ATG13: variants seen among roughly 807,000 people sequenced by gnomAD.
ATG13 encodes the protein autophagy-related protein 13.
ATG13 carries 23 observed loss-of-function variants against 65.5 expected under a neutral mutation model. The observed-to-expected ratio is 0.35, with a 90% CI of 0.25 to 0.50. The LOEUF is 0.50. Ranked by LOEUF, ATG13 falls within the 20% of genes least tolerant of loss-of-function variation. ATG13 has a pLI of 0.98. For synonymous variants in ATG13, 252 were observed against 245.2 expected, an observed-to-expected ratio of 1.03 and a Z score of -0.26; for missense variants, 566 against 677.0, an observed-to-expected ratio of 0.84 and a Z score of 1.82.
intron 2 of ATG13, among the ~76,000 whole-genome samples, chr11:46,634,074 C>G (rs921391832): frequency 6.6e-6 from 1 of 151,940 alleles, no homozygotes; most frequent in Admixed American, 6.6e-5. Flanking sequence ...AACCTATTTT[C>G]TCAGCTGAGT....
chr11:46,629,634 T>A (rs1256323253), intron 1 of ATG13, among the ~76,000 whole-genome samples: 2 of 152,074 alleles, frequency 1.3e-5, no homozygotes, highest in Non-Finnish European at 2.9e-5. Context: ...TGACCTCAGA[T>A]GATCCACCCG....
rs953835564 is a variant in ATG13, at chr11:46,663,945, C to CTT, written c.790-35_790-34dup. 4,477 of 761,506 alleles carry CTT rather than the reference C, an allele frequency of 5.9e-3. 13 individuals carry two copies. The highest frequency in any genetic ancestry group is 0.023 in the African/African-American group (1,111 of 48,612). 47.2% of individuals were successfully genotyped at this position (761,506 alleles called of 1,614,324 possible). A position where few individuals can be genotyped will look rare whatever the true frequency, so the allele number is the denominator to read the frequency against. On this transcript the variant is annotated intron_variant, in intron 11 of 18. Coordinates refer to ENST00000683050, the MANE Select transcript of ATG13 (RefSeq NM_001346311.2). ...TTCACTTCTTTCTCAAGTCCCTTTT[C>CTT]TTTTTTTTTTTTTTTTTTGTTTCTC...
Position 46,641,868 on chromosome 11 carries a change from G to T in ATG13, c.-13-2411G>T, listed in dbSNP as rs374265754. On this transcript the variant is annotated intron_variant, in intron 2 of 18. Coordinates refer to ENST00000683050, the MANE Select transcript of ATG13 (RefSeq NM_001346311.2). ...TGGCTCACTGCAGCCTTGACCTCCA[G>T]GGCTCAGGCCATTCTCCCACCTCAT... Among the ~76,000 whole-genome samples, 523 of 151,514 alleles carry T rather than the reference G, an allele frequency of 3.5e-3. 3 individuals carry two copies. Among genetic ancestry groups the T allele is most frequent in the African/African-American group, 0.012 (509 of 41,284 alleles).
At chr11:46,646,321 G>A (rs897399702) in intron 5 of ATG13, among the ~76,000 whole-genome samples, 7 of 151,908 alleles carry the variant, frequency 4.6e-5, no homozygotes, top group Admixed American at 1.3e-4. Flanking sequence ...GCTAATTTTT[G>A]TATTTTTAGT....
Position 46,665,445 on chromosome 11 carries a change from C to G in ATG13, c.1062C>G (p.Thr354=). ...PLAPNQPVHG[T]QADQERLATC... ...CTCCCAACCAGCCTGTCCATGGTAC[C>G]CAGGCTGACCAGGAGAGACTGGCAA... Residue 354 remains threonine (T), a synonymous_variant, in exon 14 of 19, where the codon ACC becomes ACG. Coordinates refer to ENST00000683050, the MANE Select transcript of ATG13 (RefSeq NM_001346311.2). The G allele has an allele frequency of 1.2e-6, 2 of 1,614,172 alleles. No individual in the cohort carries two copies. The highest frequency in any genetic ancestry group is 1.7e-6 in the Non-Finnish European group (2 of 1,180,018).
chr11:46,638,185 C>T (rs997781592), intron 2 of ATG13, among the ~76,000 whole-genome samples: 3 of 151,926 alleles, frequency 2.0e-5, no homozygotes, highest in Non-Finnish European at 2.9e-5. Context: ...GTCTGTAATC[C>T]CAGAACTTTG....
At chr11:46,632,085 A>T (rs1396098756) in intron 2 of ATG13, among the ~76,000 whole-genome samples, 1 of 152,224 alleles carries the variant, frequency 6.6e-6, no homozygotes, top group East Asian at 1.9e-4. Flanking sequence ...ATTAAATGAG[A>T]TTACTTCTAA....
chr11:46,636,096 C>A (rs978743416), intron 2 of ATG13, among the ~76,000 whole-genome samples: 1 of 151,992 alleles, frequency 6.6e-6, no homozygotes, highest in Non-Finnish European at 1.5e-5. Context: ...ATGATAGATT[C>A]CAGTAGGTAA....
chr11:46,669,607 TACCAC>T, intron 18 of ATG13, 75 bp downstream of exon 18: 1 of 1,514,940 alleles, frequency 6.6e-7, no homozygotes, highest in Non-Finnish European at 9.0e-7. Flanking sequence ...CTAGGAGGCC[TACCAC>T]CTTCTATCTT....
chr11:46,650,264 A>G lies in ATG13; in HGVS notation c.405A>G (p.Thr135=). The change falls in exon 7 of 19, where the codon ACA becomes ACG. Residue 135 remains threonine (T), a synonymous_variant. Transcript: ENST00000683050. ...CCCTTCTTGCTATAACTAGGGTGAC[A>G]CCAGCCTATAGGCTCTCCAGGAAAC... The part of the protein sequence containing the change: ...LKSLLAITRV[T]PAYRLSRKQG... The G allele has an allele frequency of 6.2e-7, 1 of 1,613,776 alleles. No individual in the cohort carries two copies. The highest frequency in any genetic ancestry group is 2.2e-5 in the East Asian group (1 of 44,872).
At chr11:46,628,812 A>G (rs1266617577) in intron 1 of ATG13, among the ~76,000 whole-genome samples, 8 of 152,124 alleles carry the variant, frequency 5.3e-5, no homozygotes, top group Admixed American at 5.2e-4. Context: ...AGTTTCACAA[A>G]TTTTGGCAAA....
intron 7 of ATG13, among the ~76,000 whole-genome samples, chr11:46,653,960 A>G (rs1023374104): frequency 6.6e-6 from 1 of 152,178 alleles, no homozygotes; most frequent in Non-Finnish European, 1.5e-5. Context: ...AAATATGAAA[A>G]TAGATTTTAG....
intron 11 of ATG13, among the ~76,000 whole-genome samples, chr11:46,663,287 A>AG (rs2061567182): frequency 6.6e-6 from 1 of 150,558 alleles, no homozygotes; most frequent in Non-Finnish European, 1.5e-5. Flanking sequence ...AAAAAAAAAA[A>AG]TGGAACAGTA....
chr11:46,661,492 C>T (rs554708477), intron 11 of ATG13, among the ~76,000 whole-genome samples: 7 of 137,700 alleles, frequency 5.1e-5, no homozygotes, highest in East Asian at 2.2e-4. Flanking sequence ...CACTCTAGCC[C>T]GGGCAACAGA....
chr11:46,665,586 G>A, intron 14 of ATG13, 67 bp downstream of exon 14: 1 of 1,566,232 alleles, frequency 6.4e-7, no homozygotes, highest in Non-Finnish European at 8.7e-7. Context: ...TGACACACGT[G>A]CTTATTTAGA....
intron 18 of ATG13, among the ~76,000 whole-genome samples, chr11:46,671,509 G>A (rs1202679003): frequency 5.3e-5 from 8 of 152,136 alleles, no homozygotes; most frequent in African/African-American, 1.4e-4. Context: ...AGGCCGAGGC[G>A]GGTGGATCAC....
chr11:46,672,630 T>C lies in ATG13; in HGVS notation c.*298T>C. On this transcript the variant is annotated 3_prime_UTR_variant, in exon 19 of 19. Coordinates refer to ENST00000683050, the MANE Select transcript of ATG13 (RefSeq NM_001346311.2). Reference sequence around the variant, plus strand: ...TGTGCCCTGCCCATCACCAACTGCTTCCCAAGGGTGTCATCCTGTTCCTCC... The same window carrying C: ...TGTGCCCTGCCCATCACCAACTGCTCCCCAAGGGTGTCATCCTGTTCCTCC... The C allele has an allele frequency of 7.1e-7, 1 of 1,405,414 alleles. No homozygotes were observed. The highest frequency in any genetic ancestry group is 9.4e-7 in the Non-Finnish European group (1 of 1,059,300). The allele number at this position is 1,405,414 out of a possible 1,614,324, so 87.1% of individuals were successfully genotyped here.
chr11:46,664,960 G>GT lies in ATG13; in HGVS notation c.999+2dup. 1 of 1,612,338 alleles carries GT rather than the reference G, an allele frequency of 6.2e-7. No homozygotes were observed. The highest frequency in any genetic ancestry group is 8.5e-7 in the Non-Finnish European group (1 of 1,178,468). Reference sequence around the variant, plus strand: ...CTTAAATGCTACACACCCTCACCAGGTATCTTTAAAGATGGGGAGGACTAT... The same window carrying GT: ...CTTAAATGCTACACACCCTCACCAGGTTATCTTTAAAGATGGGGAGGACTAT... On this transcript the variant is annotated splice_donor_variant, in intron 13 of 18. Coordinates refer to ENST00000683050, the MANE Select transcript of ATG13 (RefSeq NM_001346311.2). LOFTEE classifies it high-confidence loss of function.
intron 1 of ATG13, among the ~76,000 whole-genome samples, chr11:46,620,876 A>G (rs2047279150): frequency 6.6e-6 from 1 of 152,236 alleles, no homozygotes; most frequent in Non-Finnish European, 1.5e-5. Context: ...GTCATAACTT[A>G]TAGAAACCTC....
Sources: gnomAD v4.1 joint callset for allele counts (sites outside exome capture counted in the v4.1 genomes callset) on GRCh38, gnomAD v4.1.1 for gene constraint, MANE v1.5 for transcripts, NCBI Gene and HGNC (gene_info 2026-07-23, HGNC 2026-07-21) for gene names.